Variants in MRAP2 observed in about 807,000 individuals in gnomAD.
MRAP2 encodes the protein melanocortin-2 receptor accessory protein 2.
A neutral mutation model predicts 17.4 loss-of-function variants in MRAP2; 20 were observed. The observed-to-expected ratio is 1.15, with a 90% CI of 0.81 to 1.67. The LOEUF (loss-of-function observed/expected upper bound fraction) is 1.67. Among genes scored for constraint, MRAP2 ranks in the 40% most tolerant of loss-of-function variants. The pLI, the probability that MRAP2 is intolerant of heterozygous loss-of-function variation, is 0.00. For synonymous variants in MRAP2, 96 were observed against 88.4 expected, an observed-to-expected ratio of 1.09 and a Z score of -0.48; for missense variants, 238 against 240.0, an observed-to-expected ratio of 0.99 and a Z score of 0.05.
chr6:84,051,999 C>T (rs2497160), intron 1 of MRAP2, among the ~76,000 whole-genome samples: 2 of 152,064 alleles, frequency 1.3e-5, no homozygotes, highest in East Asian at 3.9e-4. Context: ...GGCTAGCTTT[C>T]GGATGCAGTC....
intron 1 of MRAP2, 22 bp from the exon 2 acceptor site, chr6:84,055,290 T>C: frequency 1.3e-6 from 2 of 1,599,052 alleles, no homozygotes; most frequent in South Asian, 1.1e-5. Context: ...GGTTCTGCGC[T>C]TGACTTTCTC....
At chr6:84,057,138 TAAAC>T (rs1380163926) in intron 2 of MRAP2, among the ~76,000 whole-genome samples, 1 of 152,094 alleles carries the variant, frequency 6.6e-6, no homozygotes, top group East Asian at 1.9e-4. Flanking sequence ...GAACAAAAAA[TAAAC>T]AAACACAAAA....
intron 3 of MRAP2, among the ~76,000 whole-genome samples, chr6:84,086,337 T>C (rs2099500436): frequency 1.3e-5 from 2 of 152,186 alleles, no homozygotes; most frequent in African/African-American, 4.8e-5. Context: ...CAGATGTCCT[T>C]ATAGAAGTAT....
At chr6:84,073,709 G>T (rs1250767703) in intron 3 of MRAP2, among the ~76,000 whole-genome samples, 2 of 152,160 alleles carry the variant, frequency 1.3e-5, no homozygotes, top group Non-Finnish European at 2.9e-5. Context: ...CTTTGGCCTG[G>T]ATTCTTAACT....
rs1474870567 is a variant in MRAP2 at position 84,089,359 on chromosome 6, A to G, written c.496A>G (p.Ile166Val). ...GCTGAACAGGCTCATGAAGTTTGACATCCCCAACTTTGTGAACACAGACCA... is the reference window on the plus strand; with the variant it reads ...GCTGAACAGGCTCATGAAGTTTGACGTCCCCAACTTTGTGAACACAGACCA... ...EELNRLMKFDIPNFVNTDQNY... is the reference protein window; with the variant it reads ...EELNRLMKFDVPNFVNTDQNY... Residue 166 changes from isoleucine (I) to valine (V), a missense_variant, in exon 4 of 4, where the codon ATC becomes GTC. Physicochemically the swap from Ile to Val is conservative, Grantham distance 29. Transcript: ENST00000257776. The G allele has an allele frequency of 5.0e-6, 8 of 1,614,192 alleles. No individual in the cohort carries two copies. Among genetic ancestry groups the G allele is most frequent in the African/African-American group, 4.0e-5 (3 of 75,042 alleles).
chr6:84,126,851 TA>T, the MRAP2 span, among the ~76,000 whole-genome samples: 1 of 152,172 alleles, frequency 6.6e-6, no homozygotes, highest in Non-Finnish European at 1.5e-5. Flanking sequence ...TTTCAGAATT[TA>T]AAAAAGTACA....
chr6:84,089,278 G>A lies in MRAP2; in HGVS notation c.415G>A (p.Asp139Asn). 2 of 1,614,192 alleles carry A rather than the reference G, an allele frequency of 1.2e-6. No individual in the cohort carries two copies. Among genetic ancestry groups the A allele is most frequent in the South Asian group, 1.1e-5 (1 of 91,074 alleles). The change falls in exon 4 of 4, where the codon GAC (aspartate) becomes AAC (asparagine). Residue 139 changes from aspartate to asparagine, a missense_variant. Physicochemically the swap from Asp to Asn is conservative, Grantham distance 23. Transcript: ENST00000257776. ...AKACHQTTALDSDVQLQEAIR... is the reference protein window; with the variant it reads ...AKACHQTTALNSDVQLQEAIR... ...AGCTTGTCACCAGACCACAGCCCTT[G>A]ACAGTGACGTCCAACTCCAGGAAGC...
At chr6:84,143,444 A>G in the MRAP2 span, among the ~76,000 whole-genome samples, 2 of 152,054 alleles carry the variant, frequency 1.3e-5, no homozygotes, top group Admixed American at 6.6e-5. Context: ...ACAACTTTGT[A>G]TGCAAAATAT....
chr6:84,107,639 T>G, the MRAP2 span, among the ~76,000 whole-genome samples: 2 of 152,140 alleles, frequency 1.3e-5, no homozygotes, highest in African/African-American at 4.8e-5. Context: ...GGTGTACTGC[T>G]GGCCTTACCA....
intron 3 of MRAP2, among the ~76,000 whole-genome samples, chr6:84,081,723 G>A (rs774028143): frequency 6.6e-6 from 1 of 152,224 alleles, no homozygotes; most frequent in Non-Finnish European, 1.5e-5. Context: ...GGAGGCTGCG[G>A]CAGGAGGATC....
the MRAP2 span, among the ~76,000 whole-genome samples, chr6:84,104,131 G>T: frequency 6.6e-6 from 1 of 152,172 alleles, no homozygotes; most frequent in Non-Finnish European, 1.5e-5. Context: ...TGTATTATTT[G>T]GGTAGCTGTG....
At chr6:84,104,653 G>GATCCT in the MRAP2 span, among the ~76,000 whole-genome samples, 2 of 152,166 alleles carry the variant, frequency 1.3e-5, no homozygotes, top group Non-Finnish European at 2.9e-5. Context: ...TGGATCACGA[G>GATCCT]GTCAGGAGAT....
chr6:84,065,614 G>C (rs567357634), intron 3 of MRAP2, among the ~76,000 whole-genome samples: 1 of 152,222 alleles, frequency 6.6e-6, no homozygotes, highest in South Asian at 2.1e-4. Context: ...ATGGAGTTTT[G>C]TGGGTTATTG....
intron 2 of MRAP2, chr6:84,061,960 C>T (rs2099493286): frequency 4.1e-6 from 4 of 985,358 alleles, no homozygotes; most frequent in Admixed American, 1.2e-4. Flanking sequence ...CAGGTTTGTA[C>T]AGAAATAAAG....
At chr6:84,117,763 G>A in the MRAP2 span, among the ~76,000 whole-genome samples, 1 of 151,964 alleles carries the variant, frequency 6.6e-6, no homozygotes, top group Non-Finnish European at 1.5e-5. Flanking sequence ...GTCTGCTCCA[G>A]ATCCTAGTCA....
At chr6:84,063,721 C>G (rs1256913650) in intron 3 of MRAP2, among the ~76,000 whole-genome samples, 1 of 151,862 alleles carries the variant, frequency 6.6e-6, no homozygotes, top group African/African-American at 2.4e-5. Context: ...TATTGAATAC[C>G]TCATTAGTCA....
chr6:84,099,862 C>CTTTTTTT, the MRAP2 span, among the ~76,000 whole-genome samples: 1 of 145,474 alleles, frequency 6.9e-6, no homozygotes, highest in Non-Finnish European at 1.5e-5. Flanking sequence ...TTCTCTCTCT[C>CTTTTTTT]TTTTTTTTTT....
chr6:84,056,788 A>G (rs552793322), intron 2 of MRAP2, among the ~76,000 whole-genome samples: 48 of 152,278 alleles, frequency 3.2e-4, no homozygotes, highest in African/African-American at 1.1e-3. Context: ...GCTTGCTCCT[A>G]TCTCTTTTCC....
chr6:84,109,677 G>T, the MRAP2 span, among the ~76,000 whole-genome samples: 1 of 151,938 alleles, frequency 6.6e-6, no homozygotes, highest in Non-Finnish European at 1.5e-5. Flanking sequence ...AGGTATACAC[G>T]TGCCATAATT....
Sources: gnomAD v4.1 joint callset for allele counts (sites outside exome capture counted in the v4.1 genomes callset) on GRCh38, gnomAD v4.1.1 for gene constraint, MANE v1.5 for transcripts, NCBI Gene and HGNC (gene_info 2026-07-23, HGNC 2026-07-21) for gene names.